Variants in DPP10 observed in about 807,000 individuals in gnomAD.
The protein encoded by DPP10 is inactive dipeptidyl peptidase 10.
DPP10 carries 33 observed loss-of-function variants against 120.9 expected under a neutral mutation model. The ratio of observed to expected loss-of-function variants is 0.27; its 90% CI spans 0.21 to 0.37. The LOEUF (loss-of-function observed/expected upper bound fraction) is 0.37, where lower values mean the gene tolerates loss of function less well. Among genes scored for constraint, DPP10 ranks in the 10% least tolerant of loss-of-function variants. DPP10 has a pLI of 1.00. For synonymous variants in DPP10, 337 were observed against 326.1 expected (o/e 1.03, Z -0.36); for missense variants, 816 against 942.8 (o/e 0.87, Z 1.76).
At chr2:115,618,537 G>A (rs960393004) in intron 5 of DPP10, among the ~76,000 whole-genome samples, 4 of 152,136 alleles carry the variant, frequency 2.6e-5, no homozygotes, top group Admixed American at 6.5e-5. Flanking sequence ...ATTTGCTTCC[G>A]AAAATATTTC....
At chr2:115,243,790 G>C (rs1029733995) in intron 1 of DPP10, among the ~76,000 whole-genome samples, 2 of 144,898 alleles carry the variant, frequency 1.4e-5, no homozygotes, top group Admixed American at 7.0e-5. Context: ...TTTTCATCTA[G>C]CCACCAGAGA....
At chr2:115,628,902 G>T (rs1438609138) in intron 5 of DPP10, among the ~76,000 whole-genome samples, 2 of 151,754 alleles carry the variant, frequency 1.3e-5, no homozygotes, top group Non-Finnish European at 1.5e-5. Flanking sequence ...TGCCATGTTG[G>T]TGTGCTGCAC....
At chr2:114,527,032 C>T (rs1054242218) in intron 1 of DPP10, among the ~76,000 whole-genome samples, 3 of 152,122 alleles carry the variant, frequency 2.0e-5, no homozygotes, top group African/African-American at 7.2e-5. Context: ...GGACATAGTC[C>T]ATAATTTACA....
intron 1 of DPP10, among the ~76,000 whole-genome samples, chr2:114,992,196 ATCT>A (rs1700788912): frequency 2.0e-5 from 3 of 152,244 alleles, no homozygotes; most frequent in African/African-American, 7.2e-5. Context: ...CAAAGGAAAG[ATCT>A]TCTGGGTCCT....
intron 5 of DPP10, among the ~76,000 whole-genome samples, chr2:115,634,553 G>A (rs1331077947): frequency 6.6e-6 from 1 of 152,204 alleles, no homozygotes; most frequent in East Asian, 1.9e-4. Flanking sequence ...CACCAGTGGA[G>A]GCTATAGAAC....
chr2:114,489,349 C>G (rs1681783229), intron 1 of DPP10, among the ~76,000 whole-genome samples: 1 of 152,190 alleles, frequency 6.6e-6, no homozygotes, highest in South Asian at 2.1e-4. Context: ...AGCCCTGGCC[C>G]ATGAAACAAA....
chr2:115,201,987 A>G (rs1385519009), intron 1 of DPP10, among the ~76,000 whole-genome samples: 2 of 152,188 alleles, frequency 1.3e-5, no homozygotes, highest in Admixed American at 6.5e-5. Context: ...AGGGTACTGC[A>G]TGATTCAGGG....
chr2:114,878,564 C>A (rs1158820906), intron 1 of DPP10, among the ~76,000 whole-genome samples: 1 of 151,982 alleles, frequency 6.6e-6, no homozygotes, highest in Non-Finnish European at 1.5e-5. Flanking sequence ...GCCTATTAAC[C>A]ACCTCTTCAT....
chr2:115,201,371 G>A (rs545947449), intron 1 of DPP10, among the ~76,000 whole-genome samples: 150 of 152,266 alleles, frequency 9.9e-4, no homozygotes, highest in African/African-American at 3.5e-3. Context: ...GCTGAAGCAG[G>A]AGAATTGCTG....
At chr2:115,356,078 T>G (rs1274965731) in intron 3 of DPP10, among the ~76,000 whole-genome samples, 1 of 152,184 alleles carries the variant, frequency 6.6e-6, no homozygotes, top group Non-Finnish European at 1.5e-5. Flanking sequence ...AGTCGTTTTT[T>G]CTTCTTCTGT....
chr2:115,683,609 G>A (rs1376148977), intron 5 of DPP10, among the ~76,000 whole-genome samples: 3 of 151,748 alleles, frequency 2.0e-5, no homozygotes, highest in Non-Finnish European at 4.4e-5. Flanking sequence ...AGGTATGTGA[G>A]TACTCTCTGT....
In DPP10 at chr2:115,260,908, G is replaced by A. The variant is rs185471205; in HGVS notation, c.61-48331G>A. On this transcript the variant is annotated intron_variant, in intron 1 of 25. Transcript: ENST00000410059. The stretch of plus-strand genomic sequence containing the variant: ...AGGAAACTGACAAGGGAGTTGGGGC[G>A]TGCTGTAGAATTACTCTCAAAGCTA... Among the ~76,000 whole-genome samples, 178 of 152,262 alleles carry A rather than the reference G, an allele frequency of 1.2e-3. 1 individual carries two copies. Among genetic ancestry groups the A allele is most frequent in the African/African-American group, 3.8e-3 (159 of 41,540 alleles).
At chr2:115,113,585 T>G (rs1403593106) in intron 1 of DPP10, among the ~76,000 whole-genome samples, 1 of 152,160 alleles carries the variant, frequency 6.6e-6, no homozygotes, top group Non-Finnish European at 1.5e-5. Flanking sequence ...ACATGTCCAT[T>G]TTCTCTGTCT....
intron 1 of DPP10, among the ~76,000 whole-genome samples, chr2:114,703,470 T>C (rs1433215564): frequency 6.6e-6 from 1 of 152,212 alleles, no homozygotes; most frequent in African/African-American, 2.4e-5. Flanking sequence ...CCCAAGTGGA[T>C]TGATACACTT....
In DPP10 at chr2:115,762,502, A is replaced by T. The variant is rs1425354818; in HGVS notation, c.1075-70A>T. On this transcript the variant is annotated intron_variant, in intron 11 of 25. Transcript: ENST00000410059. ...GAAAAAAAACTGATAACCGTGTTTTAAAAAAGTTAAATTTATATATGCTCA... is the reference window on the plus strand; with the variant it reads ...GAAAAAAAACTGATAACCGTGTTTTTAAAAAGTTAAATTTATATATGCTCA... 6.8e-5 allele frequency: 107 copies of T among 1,576,336 alleles called. 1 individual carries two copies. The South Asian group carries it at 9.4e-4, about 14-fold the overall frequency.
chr2:114,524,040 A>C (rs1396305328), intron 1 of DPP10, among the ~76,000 whole-genome samples: 3 of 152,242 alleles, frequency 2.0e-5, no homozygotes, highest in Admixed American at 2.0e-4. Flanking sequence ...GAGAGGACTA[A>C]AGTGTGGCAT....
chr2:115,617,269 T>TA (rs1558931357), intron 5 of DPP10, among the ~76,000 whole-genome samples: 12 of 16,924 alleles, frequency 7.1e-4, no homozygotes, highest in Admixed American at 4.7e-3. Context: ...ATATATATAT[T>TA]TTTTATATAT....
intron 5 of DPP10, among the ~76,000 whole-genome samples, chr2:115,669,592 A>T (rs879369176): frequency 1.3e-5 from 2 of 152,068 alleles, no homozygotes; most frequent in African/African-American, 2.4e-5. Context: ...TTTTTCCATC[A>T]TTTTGGTCAC....
intron 1 of DPP10, among the ~76,000 whole-genome samples, chr2:114,812,713 CT>C (rs1685287355): frequency 1.3e-5 from 2 of 151,676 alleles, no homozygotes; most frequent in Non-Finnish European, 2.9e-5. Context: ...CCTCCACAGT[CT>C]TTTGTTTGTT....
Sources: allele counts gnomAD v4.1 joint callset (sites outside exome capture counted in the v4.1 genomes callset), GRCh38; gene constraint gnomAD v4.1.1; transcripts MANE v1.5; gene names NCBI Gene and HGNC (gene_info 2026-07-23, HGNC 2026-07-21).